The following OPCML variants were observed in gnomAD, a reference collection of about 807,000 sequenced individuals.
OPCML encodes opioid binding protein/cell adhesion molecule like.
A neutral mutation model predicts 37.8 loss-of-function variants in OPCML; 13 were observed. That is an observed-to-expected ratio of 0.34 (90% confidence interval 0.22 to 0.55). The LOEUF (loss-of-function observed/expected upper bound fraction) is 0.55, where lower values mean the gene tolerates loss of function less well. OPCML is among the 20% of genes least tolerant of loss of function. The probability of loss-of-function intolerance (pLI) is 0.91; values close to 1 mark genes in which losing one functional copy is unlikely to be tolerated. For missense variants in OPCML, 341 were observed against 435.6 expected, an observed-to-expected ratio of 0.78 and a Z score of 1.93; for synonymous variants, 176 against 168.8, an observed-to-expected ratio of 1.04 and a Z score of -0.33.
chr11:132,719,205 C>T (rs1279698770), intron 2 of OPCML, among the ~76,000 whole-genome samples: 2 of 152,220 alleles, frequency 1.3e-5, no homozygotes, highest in African/African-American at 4.8e-5. Flanking sequence ...GCAGTCAGGA[C>T]AGGTGGCCTT....
At chr11:133,207,128 A>AG (rs1164450248) in intron 1 of OPCML, among the ~76,000 whole-genome samples, 1 of 151,178 alleles carries the variant, frequency 6.6e-6, no homozygotes, top group East Asian at 1.9e-4. Context: ...CTAAAAAAAA[A>AG]AAAAAAAAAA....
At chr11:133,123,137 T>C (rs1411118186) in intron 1 of OPCML, among the ~76,000 whole-genome samples, 1 of 152,164 alleles carries the variant, frequency 6.6e-6, no homozygotes, top group East Asian at 1.9e-4. Context: ...AGGACATGGA[T>C]TTGAAGGAGA....
chr11:132,748,068 T>A (rs1380515797), intron 2 of OPCML, among the ~76,000 whole-genome samples: 2 of 150,522 alleles, frequency 1.3e-5, no homozygotes, highest in African/African-American at 4.9e-5. Flanking sequence ...CTTGTCTTTT[T>A]TTTTTTTTTT....
chr11:132,580,026 C>A (rs2096459149), intron 3 of OPCML, among the ~76,000 whole-genome samples: 1 of 152,202 alleles, frequency 6.6e-6, no homozygotes, highest in Non-Finnish European at 1.5e-5. Context: ...CACCCCATAA[C>A]ATCCACATCT....
intron 4 of OPCML, among the ~76,000 whole-genome samples, chr11:132,448,415 G>T (rs1029071174): frequency 6.6e-6 from 1 of 152,160 alleles, no homozygotes; most frequent in African/African-American, 2.4e-5. Flanking sequence ...TGCACACTTC[G>T]CAGAGCATAA....
chr11:133,495,741 T>G (rs966008494), intron 1 of OPCML, among the ~76,000 whole-genome samples: 1 of 151,408 alleles, frequency 6.6e-6, no homozygotes, highest in Non-Finnish European at 1.5e-5. Context: ...ACCCACCTTT[T>G]GATGGGATTT....
At chr11:132,804,706 C>A (rs1397310795) in intron 2 of OPCML, among the ~76,000 whole-genome samples, 3 of 152,202 alleles carry the variant, frequency 2.0e-5, no homozygotes, top group Admixed American at 1.3e-4. Flanking sequence ...GAAGCCCTGA[C>A]AAGATCCAAT....
intron 3 of OPCML, among the ~76,000 whole-genome samples, chr11:132,602,127 C>G (rs373770470): frequency 6.6e-6 from 1 of 152,120 alleles, no homozygotes; most frequent in Non-Finnish European, 1.5e-5. Context: ...AGACACACAT[C>G]GCAGCAGAGC....
At chr11:132,843,598 C>T (rs1189063264) in intron 2 of OPCML, among the ~76,000 whole-genome samples, 1 of 124,526 alleles carries the variant, frequency 8.0e-6, no homozygotes, top group African/African-American at 3.2e-5. Flanking sequence ...GCATCTGAAA[C>T]AGAGCCTGGC....
intron 1 of OPCML, among the ~76,000 whole-genome samples, chr11:133,059,507 C>T (rs1194501547): frequency 1.3e-5 from 2 of 152,214 alleles, no homozygotes; most frequent in Non-Finnish European, 2.9e-5. Flanking sequence ...CATGAGTAGT[C>T]ACTGCACTCT....
At chr11:133,328,243 C>T (rs1184433851) in intron 1 of OPCML, among the ~76,000 whole-genome samples, 4 of 151,530 alleles carry the variant, frequency 2.6e-5, no homozygotes, top group South Asian at 2.1e-4. Context: ...CTGCAACCTC[C>T]GCCTTCCAAG....
intron 2 of OPCML, among the ~76,000 whole-genome samples, chr11:132,837,262 G>A (rs566463388): frequency 6.6e-5 from 10 of 152,190 alleles, no homozygotes; most frequent in South Asian, 6.2e-4. Context: ...TGCGGTGACC[G>A]AGATCGCGCC....
chr11:132,484,221 GA>G (rs1378409058), intron 4 of OPCML, among the ~76,000 whole-genome samples: 2 of 151,800 alleles, frequency 1.3e-5, no homozygotes, highest in East Asian at 1.9e-4. Flanking sequence ...AAATTTACAA[GA>G]AAAAAACACA....
chr11:132,591,246 A>C (rs1303561280), intron 3 of OPCML, among the ~76,000 whole-genome samples: 1 of 152,182 alleles, frequency 6.6e-6, no homozygotes, highest in African/African-American at 2.4e-5. Context: ...TGAGGAGAGC[A>C]CTTTGGAGAA....
chr11:133,460,715 TA>T (rs1946838882), intron 1 of OPCML, among the ~76,000 whole-genome samples: 1 of 151,604 alleles, frequency 6.6e-6, no homozygotes. Context: ...TCACGACAAA[TA>T]AAAAACTAGG....
At position 133,511,428 on chromosome 11, in the gene OPCML, T is replaced by G. The variant is rs77277026; in HGVS notation, c.61+20836A>C. Reference sequence around the variant, plus strand: ...TAAGCTCCCTTATCCTTTAAAAACCTCTCTGCCCACATCTACTACTCTCTT... The same window carrying G: ...TAAGCTCCCTTATCCTTTAAAAACCGCTCTGCCCACATCTACTACTCTCTT... On this transcript the variant is annotated intron_variant, in intron 1 of 7. Transcript: ENST00000524381. Among the ~76,000 whole-genome samples the G allele has an allele frequency of 2.9e-3, 449 of 152,248 alleles. 1 individual carries two copies. Among genetic ancestry groups the G allele is most frequent in the African/African-American group, 0.01 (431 of 41,548 alleles).
intron 1 of OPCML, among the ~76,000 whole-genome samples, chr11:133,428,186 T>C (rs902748099): frequency 2.6e-5 from 4 of 152,204 alleles, no homozygotes; most frequent in African/African-American, 7.2e-5. Flanking sequence ...GCTCAACTGA[T>C]GGAAACAAAA....
chr11:132,632,398 G>A (rs779902852), intron 3 of OPCML, among the ~76,000 whole-genome samples: 16 of 152,030 alleles, frequency 1.1e-4, no homozygotes, highest in Non-Finnish European at 1.9e-4. Flanking sequence ...ACAACTCTGT[G>A]ACACGAGAAG....
chr11:133,006,869 G>T (rs767757517), intron 1 of OPCML: 143 of 985,320 alleles, frequency 1.5e-4, no homozygotes, highest in Non-Finnish European at 1.7e-4. Flanking sequence ...ATATCAGAAT[G>T]CAGTAGGCTC....
Sources: gnomAD v4.1 joint callset for allele counts (sites outside exome capture counted in the v4.1 genomes callset) on GRCh38, gnomAD v4.1.1 for gene constraint, MANE v1.5 for transcripts, NCBI Gene and HGNC (gene_info 2026-07-23, HGNC 2026-07-21) for gene names.